The following PHACTR1 variants were observed in gnomAD, a reference collection of about 807,000 sequenced individuals.
PHACTR1 encodes the protein phosphatase and actin regulator 1, also known as RPEL repeat containing 1.
Under a neutral mutation model 69.2 loss-of-function variants are expected in PHACTR1, and 16 were observed. The ratio of observed to expected loss-of-function variants is 0.23; its 90% confidence interval spans 0.16 to 0.35. PHACTR1 has a LOEUF of 0.35. Ranked by LOEUF, PHACTR1 falls within the 10% of genes least tolerant of loss-of-function variation. The probability of loss-of-function intolerance (pLI) is 1.00; values close to 1 mark genes in which losing one functional copy is unlikely to be tolerated. For missense variants in PHACTR1, 510 were observed against 734.7 expected (o/e 0.69, Z 3.54); for synonymous variants, 312 against 284.5 (o/e 1.10, Z -0.97).
intron 4 of PHACTR1, among the ~76,000 whole-genome samples, chr6:12,867,057 A>G (rs1781534801): frequency 6.6e-6 from 1 of 152,198 alleles, no homozygotes; most frequent in African/African-American, 2.4e-5. Flanking sequence ...GAAGTTCACC[A>G]GGCTACAAGC....
chr6:13,015,163 A>G (rs945377705), intron 4 of PHACTR1, among the ~76,000 whole-genome samples: 1 of 152,186 alleles, frequency 6.6e-6, no homozygotes, highest in Non-Finnish European at 1.5e-5. Flanking sequence ...ATTACTTAGG[A>G]TCCCTCCCGT....
intron 4 of PHACTR1, among the ~76,000 whole-genome samples, chr6:13,017,674 A>G (rs1292507798): frequency 1.3e-5 from 2 of 152,196 alleles, no homozygotes; most frequent in East Asian, 3.8e-4. Flanking sequence ...TTAATTTCAT[A>G]CACATTTCTG....
At chr6:12,986,479 T>A (rs1796202542) in intron 4 of PHACTR1, among the ~76,000 whole-genome samples, 1 of 152,230 alleles carries the variant, frequency 6.6e-6, no homozygotes. Flanking sequence ...GGTTTCAGTC[T>A]TTAGCTCACT....
intron 5 of PHACTR1, among the ~76,000 whole-genome samples, chr6:13,158,995 G>A (rs1758588018): frequency 6.6e-6 from 1 of 152,176 alleles, no homozygotes; most frequent in South Asian, 2.1e-4. Flanking sequence ...CGGAGACTGC[G>A]CCAGCTGCTG....
In PHACTR1 at chr6:13,104,074, G is replaced by A. The variant is rs189768509; in HGVS notation, c.415+50545G>A. Among the ~76,000 whole-genome samples, 14 of 152,212 alleles carry A rather than the reference G, an allele frequency of 9.2e-5. No individual in the cohort carries two copies. In the East Asian group the frequency reaches 2.7e-3, roughly 29 times the overall value. On this transcript the variant is annotated intron_variant, in intron 5 of 14. Coordinates refer to ENST00000332995, the MANE Select transcript of PHACTR1 (RefSeq NM_030948.6). ...ACTCCAGCCTGGGCAACAGAGTTGAGACTCTGTCTCAAAAAAATAAAAAAT... is the reference window on the plus strand; with the variant it reads ...ACTCCAGCCTGGGCAACAGAGTTGAAACTCTGTCTCAAAAAAATAAAAAAT...
chr6:12,802,896 C>A (rs1773878646), intron 4 of PHACTR1, among the ~76,000 whole-genome samples: 1 of 152,098 alleles, frequency 6.6e-6, no homozygotes, highest in South Asian at 2.1e-4. Flanking sequence ...TTTGGTTTCC[C>A]ATTTTAAAAG....
At chr6:13,021,475 C>T (rs575317715) in intron 4 of PHACTR1, among the ~76,000 whole-genome samples, 2 of 152,214 alleles carry the variant, frequency 1.3e-5, no homozygotes, top group Non-Finnish European at 2.9e-5. Context: ...GAACATGCCA[C>T]TATAAACATT....
intron 4 of PHACTR1, among the ~76,000 whole-genome samples, chr6:13,049,013 A>G (rs531371378): frequency 1.3e-5 from 2 of 152,338 alleles, no homozygotes; most frequent in Admixed American, 1.3e-4. Flanking sequence ...AGTCTGCTCA[A>G]TAATCTACTG....
At chr6:12,763,376 C>T (rs1321720069) in intron 4 of PHACTR1, among the ~76,000 whole-genome samples, 1 of 152,204 alleles carries the variant, frequency 6.6e-6, no homozygotes, top group Non-Finnish European at 1.5e-5. Flanking sequence ...ACTTCATTGG[C>T]CTCTGGGTTA....
rs374154538 is a variant in PHACTR1, at chr6:12,948,552, C to T, written c.251-104813C>T. Among the ~76,000 whole-genome samples, 9 of 152,238 alleles carry T rather than the reference C, an allele frequency of 5.9e-5. No individual in the cohort carries two copies. The East Asian group carries it at 1.5e-3, about 26-fold the overall frequency. ...AACCACATTTATCTTGACAATAATCCTATGATATAGGCTTTATTTTTATCC... is the reference window on the plus strand; with the variant it reads ...AACCACATTTATCTTGACAATAATCTTATGATATAGGCTTTATTTTTATCC... On this transcript the variant is annotated intron_variant, in intron 4 of 14. Transcript: ENST00000332995.
chr6:13,044,038 G>T (rs989261502), intron 4 of PHACTR1, among the ~76,000 whole-genome samples: 3 of 152,006 alleles, frequency 2.0e-5, no homozygotes, highest in Non-Finnish European at 4.4e-5. Context: ...GAAGAATTTT[G>T]ATAATAACAT....
chr6:12,933,515 G>A (rs557063870), intron 4 of PHACTR1: 46 of 1,505,100 alleles, frequency 3.1e-5, no homozygotes, highest in Middle Eastern at 2.1e-4. Flanking sequence ...CAAACAGATC[G>A]GTTAGAACTG....
intron 7 of PHACTR1, among the ~76,000 whole-genome samples, chr6:13,186,440 T>A (rs1195328735): frequency 6.6e-6 from 1 of 152,238 alleles, no homozygotes; most frequent in African/African-American, 2.4e-5. Flanking sequence ...ATCTTCCTTA[T>A]TGCTAAATCG....
intron 5 of PHACTR1, among the ~76,000 whole-genome samples, chr6:13,138,539 G>A (rs1370687000): frequency 6.6e-6 from 1 of 152,222 alleles, no homozygotes; most frequent in Non-Finnish European, 1.5e-5. Flanking sequence ...GGTAGTGTTT[G>A]TTCAAGTCCC....
intron 5 of PHACTR1, among the ~76,000 whole-genome samples, chr6:13,134,443 A>G (rs1303652296): frequency 6.6e-6 from 1 of 152,204 alleles, no homozygotes; most frequent in African/African-American, 2.4e-5. Context: ...TTTGTTCTGT[A>G]CTAAGAAAAA....
At chr6:12,930,337 G>A (rs138920023) in intron 4 of PHACTR1, among the ~76,000 whole-genome samples, 5 of 152,266 alleles carry the variant, frequency 3.3e-5, no homozygotes, top group African/African-American at 4.8e-5. Flanking sequence ...GAGCCACTGC[G>A]CTGGCCAAGA....
At chr6:12,947,381 G>A (rs1001394725) in intron 4 of PHACTR1, among the ~76,000 whole-genome samples, 1 of 148,206 alleles carries the variant, frequency 6.7e-6, no homozygotes, top group Non-Finnish European at 1.5e-5. Context: ...GTTGCCTCAT[G>A]ATTTTCACAT....
intron 7 of PHACTR1, among the ~76,000 whole-genome samples, chr6:13,198,322 TG>T (rs1764713918): frequency 6.6e-6 from 1 of 152,106 alleles, no homozygotes; most frequent in Non-Finnish European, 1.5e-5. Context: ...CACGAGGCCT[TG>T]GGGGTCCCAT....
At chr6:12,994,377 A>T (rs1265821941) in intron 4 of PHACTR1, among the ~76,000 whole-genome samples, 1 of 152,226 alleles carries the variant, frequency 6.6e-6, no homozygotes, top group African/African-American at 2.4e-5. Context: ...GCACATAATC[A>T]TAGCTCCAAA....
Sources: allele counts gnomAD v4.1 joint callset (sites outside exome capture counted in the v4.1 genomes callset), GRCh38; gene constraint gnomAD v4.1.1; transcripts MANE v1.5; gene names NCBI Gene and HGNC (gene_info 2026-07-23, HGNC 2026-07-21).